Variants in RIMS2 observed in about 807,000 individuals in gnomAD.
RIMS2 encodes regulating synaptic membrane exocytosis protein 2.
In RIMS2, 59 loss-of-function variants were observed where a neutral mutation model predicts 174.4. The ratio of observed to expected loss-of-function variants is 0.34; its 90% confidence interval spans 0.27 to 0.42. The LOEUF is 0.42. Among genes scored for constraint, RIMS2 ranks in the 10% least tolerant of loss-of-function variants. The pLI is 1.00. For missense variants in RIMS2, 1,620 were observed against 1,666.3 expected (o/e 0.97, Z 0.48); for synonymous variants, 606 against 572.5 (o/e 1.06, Z -0.84).
intron 19 of RIMS2, among the ~76,000 whole-genome samples, chr8:104,138,752 C>T (rs550253812): frequency 3.5e-4 from 53 of 152,130 alleles, no homozygotes; most frequent in Middle Eastern, 3.4e-3. Flanking sequence ...TTTGCTGTGG[C>T]GGAAGCCTTT....
intron 15 of RIMS2, among the ~76,000 whole-genome samples, chr8:103,973,001 A>G (rs1486254273): frequency 1.3e-5 from 2 of 152,236 alleles, no homozygotes; most frequent in African/African-American, 2.4e-5. Flanking sequence ...CAAATTGGAC[A>G]GCACTGATAG....
intron 1 of RIMS2, among the ~76,000 whole-genome samples, chr8:103,654,650 C>G (rs1331233979): frequency 6.6e-6 from 1 of 151,800 alleles, no homozygotes; most frequent in Non-Finnish European, 1.5e-5. Flanking sequence ...TTCTGAATGC[C>G]CTTTAATTCA....
intron 19 of RIMS2, among the ~76,000 whole-genome samples, chr8:104,201,892 T>G (rs572302419): frequency 1.3e-5 from 2 of 152,200 alleles, no homozygotes; most frequent in Non-Finnish European, 2.9e-5. Context: ...AGCTCTATTG[T>G]AGAAGCTAGT....
At chr8:104,028,247 A>G (rs541595373) in intron 19 of RIMS2, among the ~76,000 whole-genome samples, 9 of 152,162 alleles carry the variant, frequency 5.9e-5, no homozygotes, top group Non-Finnish European at 1.2e-4. Flanking sequence ...AAGACTAGCT[A>G]GAATATAATT....
intron 9 of RIMS2, among the ~76,000 whole-genome samples, chr8:103,919,445 T>G (rs892652446): frequency 7.9e-5 from 12 of 151,774 alleles, no homozygotes; most frequent in Admixed American, 7.9e-4. Context: ...ACTTTTACTT[T>G]CAGGAAAATT....
intron 1 of RIMS2, among the ~76,000 whole-genome samples, chr8:103,647,837 GTATAT>G (rs1239063214): frequency 6.9e-6 from 1 of 144,996 alleles, no homozygotes; most frequent in African/African-American, 2.5e-5. Context: ...TTACCTAGTG[GTATAT>G]TATATTAATT....
At chr8:104,014,188 AC>A (rs2095841453) in intron 18 of RIMS2, among the ~76,000 whole-genome samples, 1 of 152,096 alleles carries the variant, frequency 6.6e-6, no homozygotes, top group African/African-American at 2.4e-5. Flanking sequence ...GAAAAGTACT[AC>A]CTTTTCTTTC....
intron 3 of RIMS2, among the ~76,000 whole-genome samples, chr8:103,876,951 C>G (rs2099144201): frequency 7.7e-6 from 1 of 130,396 alleles, no homozygotes; most frequent in Non-Finnish European, 1.6e-5. Flanking sequence ...TCTTTATCCA[C>G]TCGTTGATTG....
chr8:103,946,211 A>G (rs1310446220), intron 14 of RIMS2, among the ~76,000 whole-genome samples: 1 of 152,174 alleles, frequency 6.6e-6, no homozygotes, highest in African/African-American at 2.4e-5. Context: ...AACATTTTTG[A>G]CCAGGTGCAG....
At position 103,766,226 on chromosome 8, in the gene RIMS2, G is replaced by T; in HGVS notation, c.388-1G>T. The T allele has an allele frequency of 6.2e-7, 1 of 1,607,614 alleles. No individual in the cohort carries two copies. Among genetic ancestry groups the T allele is most frequent in the Non-Finnish European group, 8.5e-7 (1 of 1,175,814 alleles). On this transcript the variant is annotated splice_acceptor_variant, in intron 2 of 23. Transcript: ENST00000504942. LOFTEE classifies it high-confidence loss of function. ...TTTTCCCCCTATGTCTTCATGTGCAGGTTATGTGGGTATGTAATTTGTGCC... is the reference window on the plus strand; with the variant it reads ...TTTTCCCCCTATGTCTTCATGTGCATGTTATGTGGGTATGTAATTTGTGCC...
chr8:104,188,365 G>A (rs1346147047), intron 19 of RIMS2, among the ~76,000 whole-genome samples: 1 of 151,406 alleles, frequency 6.6e-6, no homozygotes, highest in East Asian at 1.9e-4. Flanking sequence ...AGTATTCCCA[G>A]TATCCATTTC....
At chr8:104,049,660 G>A (rs1346738134) in intron 19 of RIMS2, among the ~76,000 whole-genome samples, 2 of 152,052 alleles carry the variant, frequency 1.3e-5, no homozygotes, top group Non-Finnish European at 2.9e-5. Context: ...GTGTATGTGT[G>A]CATGTGTGTA....
At chr8:103,942,071 G>C (rs2082664538) in intron 13 of RIMS2, among the ~76,000 whole-genome samples, 1 of 152,070 alleles carries the variant, frequency 6.6e-6, no homozygotes. Flanking sequence ...GGGGTTTGTT[G>C]TGCAGATTAT....
intron 17 of RIMS2, among the ~76,000 whole-genome samples, chr8:103,996,321 A>C (rs1395559242): frequency 6.6e-6 from 1 of 151,900 alleles, no homozygotes; most frequent in Admixed American, 6.6e-5. Context: ...TTTGAAAACC[A>C]CTGCTTGAAC....
rs1393317597 is a variant in RIMS2 at position 103,924,739 on chromosome 8, C to A, written c.2196+2955C>A. ...GAAAATATATACATATAATATCATT[C>A]TCAAAGGAGGTGATTATAAAAAAAC... On this transcript the variant is annotated intron_variant, in intron 10 of 23. Transcript: ENST00000504942. Among the ~76,000 whole-genome samples, 15 of 151,662 alleles carry A rather than the reference C, an allele frequency of 9.9e-5. No homozygotes were observed. The East Asian group carries it at 2.9e-3, about 29-fold the overall frequency.
chr8:103,968,036 T>A (rs1426379991), intron 15 of RIMS2, among the ~76,000 whole-genome samples: 1 of 152,126 alleles, frequency 6.6e-6, no homozygotes, highest in East Asian at 1.9e-4. Flanking sequence ...AATTTTTGTA[T>A]TTTTAGTAGA....
chr8:104,072,925 G>A (rs1000232319), intron 19 of RIMS2, among the ~76,000 whole-genome samples: 1 of 152,198 alleles, frequency 6.6e-6, no homozygotes, highest in Admixed American at 6.5e-5. Flanking sequence ...TTAATCAGTG[G>A]ATGATTTCTC....
intron 3 of RIMS2, among the ~76,000 whole-genome samples, chr8:103,842,387 T>C (rs899697796): frequency 6.6e-6 from 1 of 152,110 alleles, no homozygotes; most frequent in African/African-American, 2.4e-5. Flanking sequence ...TAATTTTAAA[T>C]ATAACTAAAA....
chr8:103,717,063 C>T (rs1031861675), intron 2 of RIMS2, among the ~76,000 whole-genome samples: 1 of 149,364 alleles, frequency 6.7e-6, no homozygotes, highest in Non-Finnish European at 1.5e-5. Context: ...GAGGACTTTT[C>T]AAGTTTTCCC....
Sources: allele counts gnomAD v4.1 joint callset (sites outside exome capture counted in the v4.1 genomes callset), GRCh38; gene constraint gnomAD v4.1.1; transcripts MANE v1.5; gene names NCBI Gene and HGNC (gene_info 2026-07-23, HGNC 2026-07-21).